NPM2: variants seen among roughly 807,000 people sequenced by gnomAD.
The protein encoded by NPM2 is nucleoplasmin-2.
A neutral mutation model predicts 32.0 loss-of-function variants in NPM2; 25 were observed. That is an observed-to-expected ratio of 0.78 (90% confidence interval 0.57 to 1.09). NPM2 has a LOEUF of 1.09. Among genes scored for constraint, NPM2 ranks in the 50% least tolerant of loss-of-function variants. The pLI is 0.00. For missense variants in NPM2, 282 were observed against 259.9 expected, an observed-to-expected ratio of 1.08 and a Z score of -0.58; for synonymous variants, 111 against 94.2, an observed-to-expected ratio of 1.18 and a Z score of -1.04.
intron 8 of NPM2, among the ~76,000 whole-genome samples, chr8:22,034,766 C>T (rs1800565029): frequency 6.6e-6 from 1 of 152,156 alleles, no homozygotes; most frequent in Non-Finnish European, 1.5e-5. Context: ...GAAGGCAATT[C>T]CTTCCACAGA....
intron 5 of NPM2, among the ~76,000 whole-genome samples, chr8:22,027,849 T>C (rs986975129): frequency 6.6e-6 from 1 of 152,068 alleles, no homozygotes; most frequent in African/African-American, 2.4e-5. Flanking sequence ...TCAGGTGATA[T>C]ACCCGCCTTG....
chr8:22,031,690 C>T (rs1285244207), intron 5 of NPM2, among the ~76,000 whole-genome samples: 2 of 152,222 alleles, frequency 1.3e-5, no homozygotes, highest in Non-Finnish European at 2.9e-5. Context: ...AAGTTATCCG[C>T]CTGCCTTGGC....
At chr8:22,034,314 C>A (rs1457140379) in intron 7 of NPM2, 39 bp downstream of exon 7, 2 of 1,548,368 alleles carry the variant, frequency 1.3e-6, no homozygotes, top group Non-Finnish European at 1.7e-6. Flanking sequence ...GGAAGTGGTA[C>A]CCCTACAGAA....
intron 5 of NPM2, among the ~76,000 whole-genome samples, chr8:22,030,798 G>GC (rs1212141045): frequency 4.6e-5 from 7 of 151,866 alleles, no homozygotes; most frequent in South Asian, 2.1e-4. Flanking sequence ...TCCGGCCTCA[G>GC]CCCCCCCGAG....
rs1563356585 is a variant in NPM2 at position 22,034,130 on chromosome 8, A to G, written c.386A>G (p.Glu129Gly). 6.3e-7 allele frequency: 1 copy of G among 1,591,468 alleles called. No individual in the cohort carries two copies. Among genetic ancestry groups the G allele is most frequent in the Non-Finnish European group, 8.6e-7 (1 of 1,168,806 alleles). Residue 129 changes from glutamate (E) to glycine (G), a missense_variant, in exon 7 of 10, where the codon GAG becomes GGG. Glu to Gly is a moderately conservative substitution (Grantham distance 98, BLOSUM62 -2). Transcript: ENST00000518119. ...ERYEASDLTWEEEEEEEGEEE... is the reference protein window; with the variant it reads ...ERYEASDLTWGEEEEEEGEEE... Reference sequence around the variant, plus strand: ...ACAGAAGCATCAGACCTAACCTGGGAGGAGGAGGAGGAAGAAGAAGGGGAG... The same window carrying G: ...ACAGAAGCATCAGACCTAACCTGGGGGGAGGAGGAGGAAGAAGAAGGGGAG...
At chr8:22,029,302 C>G (rs1800357794) in intron 5 of NPM2, among the ~76,000 whole-genome samples, 1 of 152,090 alleles carries the variant, frequency 6.6e-6, no homozygotes, top group African/African-American at 2.4e-5. Context: ...CACCATCATG[C>G]CCAGCTAATT....
At chr8:22,026,557 C>T (rs961999559) in intron 5 of NPM2, among the ~76,000 whole-genome samples, 1 of 148,192 alleles carries the variant, frequency 6.7e-6, no homozygotes, top group African/African-American at 2.5e-5. Flanking sequence ...CAGGTTCAAG[C>T]AATTCTAGTG....
At chr8:22,034,394 G>A (rs2117466229) in intron 7 of NPM2, 116 bp from the exon 8 acceptor site, 1 of 1,365,930 alleles carries the variant, frequency 7.3e-7, no homozygotes, top group South Asian at 1.3e-5. Flanking sequence ...GATGGGCCAA[G>A]GCCACCTCAG....
chr8:22,025,083 C>T, intron 2 of NPM2, 133 bp from the exon 3 acceptor site: 1 of 680,876 alleles, frequency 1.5e-6, no homozygotes, highest in Non-Finnish European at 2.4e-6. Flanking sequence ...TGCCGGTGAG[C>T]CCTTGACCGT....
intron 6 of NPM2, 35 bp from the exon 7 acceptor site, chr8:22,034,074 G>C (rs1800531301): frequency 6.4e-7 from 1 of 1,556,404 alleles, no homozygotes; most frequent in Admixed American, 1.8e-5. Context: ...TAGCTCTGAA[G>C]CTGTGCCCCT....
chr8:22,036,143 G>A (rs1325588435), intron 8 of NPM2, among the ~76,000 whole-genome samples: 1 of 152,018 alleles, frequency 6.6e-6, no homozygotes, highest in African/African-American at 2.4e-5. Flanking sequence ...CAGCTTCTCA[G>A]GAGGCTGAGG....
chr8:22,025,476 ACC>A lies in NPM2; in HGVS notation c.102_103del (p.Gln35AlafsTer87), dbSNP rs747844838. On this transcript the variant is annotated frameshift_variant, in exon 4 of 10. Coordinates refer to ENST00000518119, the MANE Select transcript of NPM2 (RefSeq NM_001286680.2). LOFTEE classifies it high-confidence loss of function. ...SQERRTWTFR[P>X]QLEGKQSCRL... ...AGGAGAGGCGGACTTGGACCTTCAG[ACC>A]CCAGCTGGAGGGGAAGCAGAGCTGC... is the stretch of plus-strand genomic sequence containing the variant. 1 of 1,613,938 alleles carries A rather than the reference ACC, an allele frequency of 6.2e-7. No individual in the cohort carries two copies. The highest frequency in any genetic ancestry group is 8.5e-7 in the Non-Finnish European group (1 of 1,179,972).
At chr8:22,025,359 G>C in intron 3 of NPM2, 53 bp downstream of exon 3, 1 of 1,599,634 alleles carries the variant, frequency 6.3e-7, no homozygotes, top group South Asian at 1.1e-5. Flanking sequence ...TCCGGTGCGC[G>C]GCAGCTTGGG....
In NPM2 at chr8:22,036,692, C is replaced by T; in HGVS notation, c.*10C>T. ...AGGATTCAAGAAATGAGGAGCCACG[C>T]CTTGGGGGGCACGGTGCAAAGTGGG... On this transcript the variant is annotated 3_prime_UTR_variant, in exon 10 of 10. Coordinates refer to ENST00000518119, the MANE Select transcript of NPM2 (RefSeq NM_001286680.2). 1 of 1,545,512 alleles carries T rather than the reference C, an allele frequency of 6.5e-7. No individual in the cohort carries two copies. Among genetic ancestry groups the T allele is most frequent in the Non-Finnish European group, 8.7e-7 (1 of 1,145,762 alleles).
At position 22,025,424 on chromosome 8, in the gene NPM2, TCTC is replaced by T. The variant is rs768502677; in HGVS notation, c.59-7_59-5del. 5.6e-6 allele frequency: 9 copies of T among 1,612,886 alleles called. No individual in the cohort carries two copies. The highest frequency in any genetic ancestry group is 7.6e-6 in the Non-Finnish European group (9 of 1,179,468). On this transcript the variant is annotated splice_polypyrimidine_tract_variant and intron_variant, in intron 3 of 9. Coordinates refer to ENST00000518119, the MANE Select transcript of NPM2 (RefSeq NM_001286680.2). ...ATGGAGGGCCCCACTTCCCTCCCTTTCTCCTCCGCAGGCTGCGAGCTCAGTCAG... is the reference window on the plus strand; with the variant it reads ...ATGGAGGGCCCCACTTCCCTCCCTTTCTCCGCAGGCTGCGAGCTCAGTCAG...
Position 22,034,256 on chromosome 8 carries a change from A to T in NPM2, c.512A>T (p.Lys171Met), listed in dbSNP as rs772628387. ...VKQVKRLVPQ[K>M]QASVAKKKKL... ...CAAGTCAAAAGGCTGGTGCCCCAGA[A>T]GCAGGCGAGCGTGGCTAAGGTGGGG... Residue 171 changes from lysine (K) to methionine (M), a missense_variant, in exon 7 of 10, where the codon AAG becomes ATG. Transcript: ENST00000518119. The T allele has an allele frequency of 1.3e-6, 2 of 1,598,316 alleles. No homozygotes were observed. The highest frequency in any genetic ancestry group is 1.7e-6 in the Non-Finnish European group (2 of 1,172,442).
chr8:22,025,745 C>T lies in NPM2; in HGVS notation c.243C>T (p.Ala81=). The change falls in exon 5 of 10, where the codon GCC becomes GCT. Residue 81 remains alanine, a synonymous_variant. Coordinates refer to ENST00000518119, the MANE Select transcript of NPM2 (RefSeq NM_001286680.2). ...EDKKMQPVTI[A]SLQASVLPMV... Reference sequence around the variant, plus strand: ...AGAAGATGCAGCCGGTCACCATTGCCTCACTCCAGGCCTCAGTCCTCCCCA... The same window carrying T: ...AGAAGATGCAGCCGGTCACCATTGCTTCACTCCAGGCCTCAGTCCTCCCCA... The T allele has an allele frequency of 1.2e-6, 2 of 1,614,156 alleles. No individual in the cohort carries two copies. The highest frequency in any genetic ancestry group is 2.2e-5 in the South Asian group (2 of 91,082).
At chr8:22,030,165 C>T (rs938233712) in intron 5 of NPM2, among the ~76,000 whole-genome samples, 2 of 152,162 alleles carry the variant, frequency 1.3e-5, no homozygotes, top group Non-Finnish European at 2.9e-5. Context: ...TGGGTAATTC[C>T]TTCACAGCAT....
chr8:22,033,103 TG>T (rs1178286732), intron 5 of NPM2, 26 bp from the exon 6 acceptor site: 1 of 1,581,958 alleles, frequency 6.3e-7, no homozygotes, highest in African/African-American at 1.3e-5. Flanking sequence ...TAAGTGGCCC[TG>T]TCTTCTCTGC....
Sources: allele counts gnomAD v4.1 joint callset (sites outside exome capture counted in the v4.1 genomes callset), GRCh38; gene constraint gnomAD v4.1.1; transcripts MANE v1.5; gene names NCBI Gene and HGNC (gene_info 2026-07-23, HGNC 2026-07-21).